ITGA6: variants seen among roughly 807,000 people sequenced by gnomAD.
The protein encoded by ITGA6 is integrin alpha-6.
Under a neutral mutation model 133.6 loss-of-function variants are expected in ITGA6, and 63 were observed. That is an observed-to-expected ratio of 0.47 (90% CI 0.38 to 0.58). The LOEUF (loss-of-function observed/expected upper bound fraction) is 0.58. Among genes scored for constraint, ITGA6 ranks in the 20% least tolerant of loss-of-function variants. The pLI is 0.00. For synonymous variants in ITGA6, 434 were observed against 482.0 expected (o/e 0.90, Z 1.30); for missense variants, 1,068 against 1,309.4 (o/e 0.82, Z 2.85).
intron 1 of ITGA6, among the ~76,000 whole-genome samples, chr2:172,461,203 G>A (rs1030498813): frequency 2.6e-5 from 4 of 152,078 alleles, no homozygotes; most frequent in Non-Finnish European, 5.9e-5. Context: ...TACTTATATC[G>A]TTAGATTTTT....
At position 172,490,551 on chromosome 2, in the gene ITGA6, TTC is replaced by T. The variant is rs541058004; in HGVS notation, c.2680-471_2680-470del. 5.3e-5 allele frequency among the ~76,000 whole-genome samples: 8 copies of T among 152,332 alleles called. No individual in the cohort carries two copies. The South Asian group carries it at 1.7e-3, about 32-fold the overall frequency. On this transcript the variant is annotated intron_variant, in intron 20 of 25. Transcript: ENST00000684293. ...TATAAGGAAAATGCAATTTTAAAAG[TTC>T]TTGTATGGCTTAGTTTTCATTGCTC... is the stretch of plus-strand genomic sequence containing the variant.
At chr2:172,484,692 A>G (rs1574395263) in intron 11 of ITGA6, 90 bp from the exon 12 acceptor site, 1 of 1,057,176 alleles carries the variant, frequency 9.5e-7, no homozygotes, top group East Asian at 2.4e-5. Context: ...GTTTTCTACA[A>G]GGAATTAAAA....
chr2:172,483,960 G>A (rs1294982956), intron 11 of ITGA6, among the ~76,000 whole-genome samples: 3 of 152,072 alleles, frequency 2.0e-5, no homozygotes, highest in Non-Finnish European at 4.4e-5. Flanking sequence ...ACAGGCATGC[G>A]CCACCAAGCC....
chr2:172,439,754 C>T (rs13389764), intron 1 of ITGA6, among the ~76,000 whole-genome samples: 4,616 of 152,194 alleles, frequency 0.03, 191 homozygotes, highest in African/African-American at 0.089. Flanking sequence ...GACTGAGACC[C>T]AGAAAAGTCA....
rs750676636 is a variant in ITGA6, at chr2:172,465,508, A to G, written c.183-31A>G. ...AACTGTTAAACGTATATTAAATTCA[A>G]ATCTCCAAATTGTCTCTGTTTCATC... On this transcript the variant is annotated intron_variant, in intron 1 of 25. Coordinates refer to ENST00000684293, the MANE Select transcript of ITGA6 (RefSeq NM_000210.4). 3.1e-6 allele frequency: 5 copies of G among 1,613,726 alleles called. No homozygotes were observed. The South Asian group carries it at 4.4e-5, about 14-fold the overall frequency.
Position 172,427,726 on chromosome 2 carries a change from G to T in ITGA6, c.-63G>T. 6.7e-7 allele frequency: 1 copy of T among 1,485,746 alleles called. No individual in the cohort carries two copies. Among genetic ancestry groups the T allele is most frequent in the South Asian group, 1.3e-5 (1 of 75,370 alleles). 92.0% of individuals were successfully genotyped at this position (1,485,746 alleles called of 1,614,324 possible). On this transcript the variant is annotated 5_prime_UTR_variant, in exon 1 of 26. Transcript: ENST00000684293. ...CGGTAGCAGCAGCGCGGCAGCCTCG[G>T]ACCCAGCCCGGAGCGCAGGGCGGCC...
chr2:172,450,686 G>T (rs1362950966), intron 1 of ITGA6, among the ~76,000 whole-genome samples: 1 of 151,790 alleles, frequency 6.6e-6, no homozygotes, highest in Non-Finnish European at 1.5e-5. Context: ...CGGGCATGGT[G>T]CCTCAAGCCT....
chr2:172,494,361 A>G (rs979900710), intron 23 of ITGA6, among the ~76,000 whole-genome samples: 2 of 152,150 alleles, frequency 1.3e-5, no homozygotes, highest in Non-Finnish European at 2.9e-5. Flanking sequence ...TACAGAAATT[A>G]GCCAGGTGGG....
Position 172,491,293 on chromosome 2 carries a change from A to T in ITGA6, c.2851A>T (p.Ile951Phe), listed in dbSNP as rs757562675. ...LRGLDSKASL[I>F]LRSRLWNSTF... ...GGGGCTGGACAGCAAGGCGTCTCTT[A>T]TTTTGCGCTCGAGGTTATGGAACAG... Residue 951 changes from isoleucine to phenylalanine, a missense_variant, in exon 22 of 26, where the codon ATT becomes TTT. Coordinates refer to ENST00000684293, the MANE Select transcript of ITGA6 (RefSeq NM_000210.4). The surrounding 1 kb of genome is among the most constrained non-coding windows in gnomAD (Gnocchi z 4.4). 4.7e-5 allele frequency: 75 copies of T among 1,612,768 alleles called. No homozygotes were observed. Among genetic ancestry groups the T allele is most frequent in the Non-Finnish European group, 5.9e-5 (69 of 1,178,922 alleles).
chr2:172,449,383 T>C lies in ITGA6; in HGVS notation c.183-16156T>C, dbSNP rs899949477. ...AAAATATTGGGATGCATGAATAATATCTACCTAAGGTACCTAAGGTTGTAT... is the reference window on the plus strand; with the variant it reads ...AAAATATTGGGATGCATGAATAATACCTACCTAAGGTACCTAAGGTTGTAT... On this transcript the variant is annotated intron_variant, in intron 1 of 25. Coordinates refer to ENST00000684293, the MANE Select transcript of ITGA6 (RefSeq NM_000210.4). Among the ~76,000 whole-genome samples the C allele has an allele frequency of 7.9e-5, 12 of 152,210 alleles. No homozygotes were observed. The East Asian group carries it at 1.2e-3, about 15-fold the overall frequency.
At chr2:172,472,289 C>T (rs932044647) in intron 5 of ITGA6, among the ~76,000 whole-genome samples, 1 of 152,144 alleles carries the variant, frequency 6.6e-6, no homozygotes, top group Non-Finnish European at 1.5e-5. Flanking sequence ...GCAGCACTGC[C>T]CTCCAGTCTG....
intron 5 of ITGA6, 148 bp downstream of exon 5, chr2:172,471,253 GT>G: frequency 1.2e-6 from 1 of 860,078 alleles, no homozygotes; most frequent in Non-Finnish European, 1.8e-6. Flanking sequence ...GATAAGCTTG[GT>G]GATCTAGAGG....
At chr2:172,475,801 A>G (rs1471157237) in intron 8 of ITGA6, 116 bp downstream of exon 8, 23 of 691,906 alleles carry the variant, frequency 3.3e-5, no homozygotes, top group Non-Finnish European at 6.0e-5. Context: ...AGTCCACAAT[A>G]GTATAAATTT....
chr2:172,435,398 C>T (rs1325424048), intron 1 of ITGA6, among the ~76,000 whole-genome samples: 1 of 151,970 alleles, frequency 6.6e-6, no homozygotes, highest in Non-Finnish European at 1.5e-5. Flanking sequence ...GGGTGATGGC[C>T]TCTTACTGGC....
At chr2:172,459,816 TC>T (rs749551355) in intron 1 of ITGA6, among the ~76,000 whole-genome samples, 3 of 152,174 alleles carry the variant, frequency 2.0e-5, no homozygotes, top group Admixed American at 2.0e-4. Context: ...TCCAGCATGA[TC>T]CTGTGTAGCA....
chr2:172,454,419 C>T (rs1005453479), intron 1 of ITGA6, among the ~76,000 whole-genome samples: 1 of 151,994 alleles, frequency 6.6e-6, no homozygotes, highest in African/African-American at 2.4e-5. Context: ...AGGTCCTGAG[C>T]CAGGAGAGTG....
intron 1 of ITGA6, among the ~76,000 whole-genome samples, chr2:172,435,444 T>G (rs1055180057): frequency 6.6e-6 from 1 of 151,898 alleles, no homozygotes; most frequent in African/African-American, 2.4e-5. Flanking sequence ...AACAAAGGTA[T>G]CGAAACAATA....
At position 172,480,061 on chromosome 2, in the gene ITGA6, T is replaced by G. The variant is rs766434726; in HGVS notation, c.1549+10T>G. The G allele has an allele frequency of 6.9e-7, 1 of 1,450,818 alleles. No homozygotes were observed. The allele number at this position is 1,450,818 out of a possible 1,614,324, so 89.9% of individuals were successfully genotyped here. A position where few individuals can be genotyped will look rare whatever the true frequency, so the allele number is the denominator to read the frequency against. On this transcript the variant is annotated intron_variant, in intron 11 of 25. Coordinates refer to ENST00000684293, the MANE Select transcript of ITGA6 (RefSeq NM_000210.4). The stretch of plus-strand genomic sequence containing the variant: ...TATAATCCTTCAATATGTAAGTACC[T>G]AGTACCTTTAAAATATGTCTACTTT...
intron 1 of ITGA6, among the ~76,000 whole-genome samples, chr2:172,438,354 T>G (rs1294519658): frequency 2.0e-5 from 3 of 151,744 alleles, no homozygotes; most frequent in Non-Finnish European, 4.4e-5. Context: ...GGGGCACAGA[T>G]GCAGGTAGGT....
Sources: gnomAD v4.1 joint callset for allele counts (sites outside exome capture counted in the v4.1 genomes callset) on GRCh38, gnomAD v4.1.1 for gene constraint, Gnocchi (gnomAD v3.1) non-coding constraint, MANE v1.5 for transcripts, NCBI Gene and HGNC (gene_info 2026-07-23, HGNC 2026-07-21) for gene names.